Variants in PRKCQ observed in about 807,000 individuals in gnomAD.
PRKCQ encodes the protein protein kinase C theta, also known as protein kinase C theta type.
Under a neutral mutation model 91.2 loss-of-function variants are expected in PRKCQ, and 41 were observed. The ratio of observed to expected loss-of-function variants is 0.45; its 90% CI spans 0.35 to 0.58. The LOEUF (loss-of-function observed/expected upper bound fraction) is 0.58. PRKCQ is among the 20% of genes least tolerant of loss of function. The probability of loss-of-function intolerance (pLI) is 0.00; values close to 1 mark genes in which losing one functional copy is unlikely to be tolerated. For synonymous variants in PRKCQ, 307 were observed against 316.9 expected, an observed-to-expected ratio of 0.97 and a Z score of 0.33; for missense variants, 673 against 896.5, an observed-to-expected ratio of 0.75 and a Z score of 3.18.
At chr10:6,535,791 C>T (rs1477527119) in intron 1 of PRKCQ, among the ~76,000 whole-genome samples, 1 of 152,182 alleles carries the variant, frequency 6.6e-6, no homozygotes, top group African/African-American at 2.4e-5. Flanking sequence ...ATCCCGATTA[C>T]AGTCCCCTGC....
the PRKCQ span, among the ~76,000 whole-genome samples, chr10:6,408,306 A>G: frequency 6.6e-6 from 1 of 152,088 alleles, no homozygotes; most frequent in Non-Finnish European, 1.5e-5. Flanking sequence ...TTGGACATAG[A>G]CATTTGACCA....
intron 1 of PRKCQ, among the ~76,000 whole-genome samples, chr10:6,570,202 G>T (rs1008865634): frequency 6.6e-6 from 1 of 152,092 alleles, no homozygotes; most frequent in African/African-American, 2.4e-5. Context: ...GGAGAGTGCG[G>T]GTGATCATTT....
At chr10:6,448,144 A>C (rs1056961718) in intron 15 of PRKCQ, among the ~76,000 whole-genome samples, 3 of 152,058 alleles carry the variant, frequency 2.0e-5, no homozygotes, top group Non-Finnish European at 4.4e-5. Context: ...AGGGTGTTTG[A>C]CTTTGTGTGG....
intron 8 of PRKCQ, chr10:6,489,270 T>G (rs886877239): frequency 1.3e-5 from 6 of 457,810 alleles, no homozygotes; most frequent in African/African-American, 1.0e-4. Flanking sequence ...GGATTGAACA[T>G]AGAGGGATGG....
rs145619155 is a variant in PRKCQ at position 6,511,259 on chromosome 10, C to T, written c.119-65G>A. On this transcript the variant is annotated intron_variant, in intron 2 of 17. Transcript: ENST00000263125. ...AGGCCTGGAAAATAATTCAGTTCAA[C>T]TCAACAGTAGCACCTGCTCCCTCTG... 11 of 1,467,246 alleles carry T rather than the reference C, an allele frequency of 7.5e-6. No individual in the cohort carries two copies. The Admixed American group carries it at 1.9e-4, about 25-fold the overall frequency. The allele number at this position is 1,467,246 out of a possible 1,614,324, so 90.9% of individuals were successfully genotyped here.
At chr10:6,501,811 C>T (rs749093990) in intron 4 of PRKCQ, among the ~76,000 whole-genome samples, 15 of 150,580 alleles carry the variant, frequency 1.0e-4, no homozygotes, top group African/African-American at 1.7e-4. Flanking sequence ...GCGACATGAG[C>T]GAAACTCTGT....
the PRKCQ span, among the ~76,000 whole-genome samples, chr10:6,420,866 G>T: frequency 2.0e-5 from 3 of 151,874 alleles, no homozygotes; most frequent in African/African-American, 7.3e-5. Context: ...ATATTCTTTG[G>T]TGTAGATCTT....
chr10:6,530,117 ATGTTCTCAACACATCAT>A (rs768609920), intron 1 of PRKCQ, among the ~76,000 whole-genome samples: 10 of 152,162 alleles, frequency 6.6e-5, no homozygotes, highest in Non-Finnish European at 1.2e-4. Context: ...GGACAGGGTC[ATGTTCTCAACACATCAT>A]GGGGTAGGTA....
rs1030018118 is a variant in PRKCQ at position 6,502,735 on chromosome 10, T to C, written c.380-4177A>G. On this transcript the variant is annotated intron_variant, in intron 4 of 17. Coordinates refer to ENST00000263125, the MANE Select transcript of PRKCQ (RefSeq NM_006257.5). ...GACTAGACAACACGAACACAAATGATTGACTGATGCATTCATGTGGAAGTT... is the reference window on the plus strand; with the variant it reads ...GACTAGACAACACGAACACAAATGACTGACTGATGCATTCATGTGGAAGTT... 5.3e-5 allele frequency among the ~76,000 whole-genome samples: 8 copies of C among 152,174 alleles called. No individual in the cohort carries two copies. The East Asian group carries it at 5.8e-4, about 11-fold the overall frequency.
In PRKCQ at chr10:6,479,005, G is replaced by T; in HGVS notation, c.1340C>A (p.Thr447Lys). 1 of 1,614,186 alleles carries T rather than the reference G, an allele frequency of 6.2e-7. No individual in the cohort carries two copies. Among genetic ancestry groups the T allele is most frequent in the Non-Finnish European group, 8.5e-7 (1 of 1,180,014 alleles). Residue 447 changes from threonine (T) to lysine (K), a missense_variant, in exon 12 of 18, where the codon ACA becomes AAA. Physicochemically the swap from Thr to Lys is moderately conservative, Grantham distance 78. Transcript: ENST00000263125. ...CAGAAGCCATACCTTGGTCTGGAAT[G>T]TACAAAACATGTGCGTCAGAAACGG... ...EHPFLTHMFC[T>K]FQTKENLFFV...
intron 1 of PRKCQ, among the ~76,000 whole-genome samples, chr10:6,518,697 T>C (rs1423301433): frequency 6.6e-6 from 1 of 152,056 alleles, no homozygotes; most frequent in African/African-American, 2.4e-5. Flanking sequence ...GGGGGGCACC[T>C]GTAATCCCAG....
rs1837880371 is a variant in PRKCQ at position 6,500,979 on chromosome 10, G to A, written c.380-2421C>T. On this transcript the variant is annotated intron_variant, in intron 4 of 17. Coordinates refer to ENST00000263125, the MANE Select transcript of PRKCQ (RefSeq NM_006257.5). ...TGTACCCATATTTTTTAGGAGGTAG[G>A]AAAAGAAATGGCAAAAGAGACCAAG... is the stretch of plus-strand genomic sequence containing the variant. 2.6e-5 allele frequency among the ~76,000 whole-genome samples: 4 copies of A among 152,096 alleles called. No individual in the cohort carries two copies. The South Asian group carries it at 8.3e-4, about 32-fold the overall frequency.
intron 3 of PRKCQ, among the ~76,000 whole-genome samples, chr10:6,510,405 A>C (rs371314204): frequency 4.1e-4 from 62 of 152,356 alleles, no homozygotes; most frequent in African/African-American, 1.5e-3. Flanking sequence ...GAATTGTCAA[A>C]GTATAGAGAG....
chr10:6,486,524 A>G (rs1836930415), intron 8 of PRKCQ, among the ~76,000 whole-genome samples: 1 of 152,222 alleles, frequency 6.6e-6, no homozygotes, highest in Non-Finnish European at 1.5e-5. Flanking sequence ...AAAGTGGTAT[A>G]AATAGGATTG....
At chr10:6,462,666 TTTG>T (rs1468175889) in intron 13 of PRKCQ, among the ~76,000 whole-genome samples, 3 of 152,210 alleles carry the variant, frequency 2.0e-5, no homozygotes, top group Non-Finnish European at 2.9e-5. Flanking sequence ...TGTCATTTTT[TTTG>T]TTGTTTTTGC....
the PRKCQ span, among the ~76,000 whole-genome samples, chr10:6,409,900 T>C: frequency 6.6e-6 from 1 of 152,216 alleles, no homozygotes; most frequent in Non-Finnish European, 1.5e-5. Flanking sequence ...AGTCTTATAA[T>C]GTAGAAAGGT....
At chr10:6,488,535 A>G (rs1340884355) in intron 8 of PRKCQ, among the ~76,000 whole-genome samples, 2 of 151,916 alleles carry the variant, frequency 1.3e-5, no homozygotes, top group Non-Finnish European at 1.5e-5. Flanking sequence ...ACAGGCGCCC[A>G]TCACCACACC....
chr10:6,424,727 C>G (rs1414718586), downstream of PRKCQ, among the ~76,000 whole-genome samples: 6 of 152,152 alleles, frequency 3.9e-5, no homozygotes, highest in African/African-American at 1.4e-4. Flanking sequence ...TTCCTCTCTC[C>G]TAAGCATGGT....
intron 12 of PRKCQ, among the ~76,000 whole-genome samples, chr10:6,471,810 T>A (rs935909396): frequency 1.7e-4 from 26 of 152,084 alleles, no homozygotes; most frequent in African/African-American, 5.8e-4. Context: ...AGAGGGATAG[T>A]AGATTCACAG....
Sources: gnomAD v4.1 joint callset for allele counts (sites outside exome capture counted in the v4.1 genomes callset) on GRCh38, gnomAD v4.1.1 for gene constraint, MANE v1.5 for transcripts, NCBI Gene and HGNC (gene_info 2026-07-23, HGNC 2026-07-21) for gene names.